Variants in PCDHGB1 observed in about 807,000 individuals in gnomAD.
The protein encoded by PCDHGB1 is protocadherin gamma subfamily B, 1.
Under a neutral mutation model 56.6 loss-of-function variants are expected in PCDHGB1, and 34 were observed. The observed-to-expected ratio is 0.60, with a 90% CI of 0.46 to 0.80. PCDHGB1 has a LOEUF of 0.80. Among genes scored for constraint, PCDHGB1 ranks in the 30% least tolerant of loss-of-function variants. The pLI is 0.00. For missense variants in PCDHGB1, 1,278 were observed against 1,204.6 expected, an observed-to-expected ratio of 1.06 and a Z score of -0.90; for synonymous variants, 561 against 505.9, an observed-to-expected ratio of 1.11 and a Z score of -1.46.
At chr5:141,371,227 T>C (rs1767587873) in intron 1 of PCDHGB1, 1 of 1,613,932 alleles carries the variant, frequency 6.2e-7, no homozygotes, top group African/African-American at 1.3e-5. Context: ...GCCGAAATCA[T>C]CTATGCCTTC....
Position 141,485,778 on chromosome 5 carries a change from G to C in PCDHGB1, c.2410-9029G>C. 1 of 1,614,216 alleles carries C rather than the reference G, an allele frequency of 6.2e-7. No homozygotes were observed. Among genetic ancestry groups the C allele is most frequent in the Non-Finnish European group, 8.5e-7 (1 of 1,180,048 alleles). On this transcript the variant is annotated intron_variant, in intron 1 of 3. Transcript: ENST00000523390. The surrounding 1 kb of genome is among the most constrained non-coding windows in gnomAD (Gnocchi z 5.7). ...CTGCTCCTGGAGAAGCCTTTGGATCGAGAGAAGCAATCGGACTACCGCCTG... is the reference window on the plus strand; with the variant it reads ...CTGCTCCTGGAGAAGCCTTTGGATCCAGAGAAGCAATCGGACTACCGCCTG...
chr5:141,439,445 G>T (rs1030957687), intron 1 of PCDHGB1, among the ~76,000 whole-genome samples: 1 of 152,102 alleles, frequency 6.6e-6, no homozygotes, highest in Non-Finnish European at 1.5e-5. Context: ...ATTTTATTGC[G>T]GGAGCAAGAC....
At position 141,350,168 on chromosome 5, in the gene PCDHGB1, A is replaced by T; in HGVS notation, c.-93A>T. 8.4e-7 allele frequency: 1 copy of T among 1,183,752 alleles called. No individual in the cohort carries two copies. Among genetic ancestry groups the T allele is most frequent in the Non-Finnish European group, 1.1e-6 (1 of 887,996 alleles). The allele number at this position is 1,183,752 out of a possible 1,614,324, so 73.3% of individuals were successfully genotyped here. On this transcript the variant is annotated 5_prime_UTR_variant, in exon 1 of 4. Transcript: ENST00000523390. ...GTTCACCCTCGAGCGCCTAACTAAT[A>T]AGTCCTAAGCTCAAATCACAGAAGT...
At chr5:141,373,462 G>C (rs1769608771) in intron 1 of PCDHGB1, among the ~76,000 whole-genome samples, 1 of 152,218 alleles carries the variant, frequency 6.6e-6, no homozygotes, top group African/African-American at 2.4e-5. Context: ...GGTAGCAGCT[G>C]CAATGAGCTA....
chr5:141,427,454 T>C (rs62379160), intron 1 of PCDHGB1: 18,356 of 489,902 alleles, frequency 0.037, 441 homozygotes, highest in Middle Eastern at 0.11. Context: ...GAGTTCCTTT[T>C]AGAATCGAAT....
chr5:141,508,599 G>T lies in PCDHGB1; in HGVS notation c.2558-2348G>T, dbSNP rs948748985. On this transcript the variant is annotated intron_variant, in intron 3 of 3. Coordinates refer to ENST00000523390, the MANE Select transcript of PCDHGB1 (RefSeq NM_018922.3). ...CTCGGGGTGCTACTCAGAGATCTTGGGTGCACATAGGACGTGGGTGGGCCG... is the reference window on the plus strand; with the variant it reads ...CTCGGGGTGCTACTCAGAGATCTTGTGTGCACATAGGACGTGGGTGGGCCG... Among the ~76,000 whole-genome samples the T allele has an allele frequency of 3.9e-5, 6 of 152,212 alleles. No individual in the cohort carries two copies. The South Asian group carries it at 1.2e-3, about 32-fold the overall frequency.
intron 1 of PCDHGB1, among the ~76,000 whole-genome samples, chr5:141,386,181 G>C (rs908249495): frequency 3.3e-5 from 5 of 152,138 alleles, no homozygotes; most frequent in Non-Finnish European, 5.9e-5. Flanking sequence ...ACCATCTTAT[G>C]TACACAGATC....
chr5:141,417,528 A>G, intron 1 of PCDHGB1: 1 of 277,368 alleles, frequency 3.6e-6, no homozygotes, highest in Non-Finnish European at 6.7e-6. Context: ...GTCAACTCGT[A>G]GTTTAAAAAA....
chr5:141,405,856 C>T (rs1340012897), intron 1 of PCDHGB1, among the ~76,000 whole-genome samples: 1 of 152,096 alleles, frequency 6.6e-6, no homozygotes, highest in Non-Finnish European at 1.5e-5. Flanking sequence ...GTGTGTTTCT[C>T]ATCACTTTTC....
intron 3 of PCDHGB1, among the ~76,000 whole-genome samples, chr5:141,510,147 C>T (rs1416633745): frequency 1.3e-5 from 2 of 151,984 alleles, no homozygotes; most frequent in Non-Finnish European, 2.9e-5. Flanking sequence ...GTGGTGTGCA[C>T]CTGTAATCTC....
chr5:141,352,270 C>G lies in PCDHGB1; in HGVS notation c.2010C>G (p.Asp670Glu). 1 of 1,614,072 alleles carries G rather than the reference C, an allele frequency of 6.2e-7. No individual in the cohort carries two copies. The highest frequency in any genetic ancestry group is 2.2e-5 in the East Asian group (1 of 44,884). ...ATAGCCTGCAAGAGGTATTGCCAGA[C>G]CTCAGCGACCGCCCTGAGCCCTCTG... ...FADSLQEVLP[D>E]LSDRPEPSDP... The change falls in exon 1 of 4, where the codon GAC (aspartate) becomes GAG (glutamate). Residue 670 changes from aspartate (D) to glutamate (E), a missense_variant. Asp to Glu is a conservative substitution (Grantham distance 45). Coordinates refer to ENST00000523390, the MANE Select transcript of PCDHGB1 (RefSeq NM_018922.3).
chr5:141,400,426 G>A (rs1346018954), intron 1 of PCDHGB1: 1 of 1,614,060 alleles, frequency 6.2e-7, no homozygotes, highest in Non-Finnish European at 8.5e-7. Flanking sequence ...AAAATGTAGT[G>A]AGCAATTGAG....
At chr5:141,352,851 G>A (rs115443544) in intron 1 of PCDHGB1, among the ~76,000 whole-genome samples, 182 bp downstream of exon 1, 5,057 of 152,212 alleles carry the variant, frequency 0.033, 139 homozygotes, top group Admixed American at 0.067. Flanking sequence ...AGTTGGGTGT[G>A]GTGGCACGCG....
chr5:141,459,976 G>A (rs1013971472), intron 1 of PCDHGB1, among the ~76,000 whole-genome samples: 1 of 152,202 alleles, frequency 6.6e-6, no homozygotes, highest in Non-Finnish European at 1.5e-5. Flanking sequence ...TACTCAGGAG[G>A]CTGAGACAGG....
chr5:141,505,324 G>A, intron 2 of PCDHGB1, 69 bp from the exon 3 acceptor site: 2 of 1,607,104 alleles, frequency 1.2e-6, no homozygotes, highest in African/African-American at 1.3e-5. Context: ...GGAGCCCTGG[G>A]AGAGGACAGG....
chr5:141,415,860 A>G (rs2095965840), intron 1 of PCDHGB1: 3 of 1,175,636 alleles, frequency 2.6e-6, no homozygotes, highest in Middle Eastern at 3.1e-4. Context: ...CTTGTAGTTT[A>G]TAGTGTTGTT....
At chr5:141,423,126 G>A (rs1397550571) in intron 1 of PCDHGB1, 1 of 1,613,622 alleles carries the variant, frequency 6.2e-7, no homozygotes, top group Non-Finnish European at 8.5e-7. Context: ...CGCGGGCACT[G>A]CTGGACAGAG....
chr5:141,432,172 CGTCTCTGTGACCGCCCACGACCCCGA>C lies in PCDHGB1; in HGVS notation c.2410-62634_2410-62609del. 6.2e-7 allele frequency: 1 copy of C among 1,614,152 alleles called. No individual in the cohort carries two copies. Among genetic ancestry groups the C allele is most frequent in the Non-Finnish European group, 8.5e-7 (1 of 1,180,038 alleles). ...AGAACAATCCCAGAGGAGTTTCCCT[CGTCTCTGTGACCGCCCACGACCCCGA>C]CTGTGAAGAGAACGCCCAGATCACT... On this transcript the variant is annotated intron_variant, in intron 1 of 3. Transcript: ENST00000523390. The surrounding 1 kb of genome is among the most constrained non-coding windows in gnomAD (Gnocchi z 6.0).
chr5:141,364,265 C>T (rs1763247589), intron 1 of PCDHGB1: 3 of 1,511,160 alleles, frequency 2.0e-6, no homozygotes, highest in East Asian at 2.3e-5. Context: ...TACCCATCGG[C>T]TTTAGATAAA....
Sources: gnomAD v4.1 joint callset for allele counts (sites outside exome capture counted in the v4.1 genomes callset) on GRCh38, gnomAD v4.1.1 for gene constraint, Gnocchi (gnomAD v3.1) non-coding constraint, MANE v1.5 for transcripts, NCBI Gene and HGNC (gene_info 2026-07-23, HGNC 2026-07-21) for gene names.